SNTG1: variants seen among roughly 807,000 people sequenced by gnomAD.
SNTG1 encodes gamma-1-syntrophin.
SNTG1 carries 39 observed loss-of-function variants against 74.7 expected under a neutral mutation model. The observed-to-expected ratio is 0.52, with a 90% CI of 0.40 to 0.68. SNTG1 has a LOEUF of 0.68. Ranked by LOEUF, SNTG1 falls within the 30% of genes least tolerant of loss-of-function variation. SNTG1 has a pLI of 0.00. For synonymous variants in SNTG1, 254 were observed against 217.1 expected (o/e 1.17, Z -1.49); for missense variants, 685 against 609.5 (o/e 1.12, Z -1.30).
intron 15 of SNTG1, among the ~76,000 whole-genome samples, chr8:50,664,871 G>T (rs1304742474): frequency 6.6e-6 from 1 of 152,138 alleles, no homozygotes; most frequent in Non-Finnish European, 1.5e-5. Context: ...TAATAGATGA[G>T]CAGTGTATCA....
chr8:50,314,240 T>G (rs2090229478), intron 2 of SNTG1, among the ~76,000 whole-genome samples: 1 of 149,368 alleles, frequency 6.7e-6, no homozygotes, highest in Non-Finnish European at 1.5e-5. Context: ...TACTCCCTCA[T>G]ACTATATGTC....
intron 2 of SNTG1, among the ~76,000 whole-genome samples, chr8:50,318,529 C>T (rs2090400487): frequency 6.6e-6 from 1 of 152,166 alleles, no homozygotes. Flanking sequence ...CTCTCAATTA[C>T]TCACAATACA....
intron 1 of SNTG1, among the ~76,000 whole-genome samples, chr8:50,169,941 C>T (rs2082747136): frequency 6.6e-6 from 1 of 151,886 alleles, no homozygotes; most frequent in Admixed American, 6.6e-5. Flanking sequence ...AGAGTGGGAC[C>T]CCATGTGTAA....
chr8:50,325,184 A>C (rs965219374), intron 2 of SNTG1, among the ~76,000 whole-genome samples: 1 of 151,406 alleles, frequency 6.6e-6, no homozygotes, highest in Non-Finnish European at 1.5e-5. Flanking sequence ...TTGTTCTACA[A>C]TATTGTATTG....
intron 17 of SNTG1, among the ~76,000 whole-genome samples, chr8:50,720,660 AT>A (rs1309996020): frequency 1.3e-5 from 2 of 152,190 alleles, no homozygotes; most frequent in African/African-American, 4.8e-5. Context: ...TAAACAGAAG[AT>A]TCATCAAGAC....
intron 1 of SNTG1, among the ~76,000 whole-genome samples, chr8:49,983,436 C>A (rs1812862242): frequency 6.6e-6 from 1 of 152,102 alleles, no homozygotes; most frequent in Admixed American, 6.5e-5. Flanking sequence ...AGTCTTTAAA[C>A]ATAAATAATG....
chr8:50,284,928 C>G (rs1204820706), intron 2 of SNTG1, among the ~76,000 whole-genome samples: 20 of 151,838 alleles, frequency 1.3e-4, no homozygotes, highest in Non-Finnish European at 4.4e-5. Context: ...ATTTTTTTTA[C>G]TTTTAAAAGT....
At position 50,310,140 on chromosome 8, in the gene SNTG1, G is replaced by A. The variant is rs140607111; in HGVS notation, c.-27-84072G>A. ...ATGACCATTGTCCTTCAAGTTGGTC[G>A]CCTGGGGAAGGAGTTTACCTACTCG... On this transcript the variant is annotated intron_variant, in intron 2 of 18. Coordinates refer to ENST00000642720, the MANE Select transcript of SNTG1 (RefSeq NM_018967.5). 6.2e-3 allele frequency among the ~76,000 whole-genome samples: 939 copies of A among 152,250 alleles called. 5 individuals carry two copies. The highest frequency in any genetic ancestry group is 0.017 in the Middle Eastern group (5 of 294).
intron 1 of SNTG1, among the ~76,000 whole-genome samples, chr8:49,971,472 C>T (rs184133817): frequency 4.6e-5 from 7 of 152,218 alleles, no homozygotes; most frequent in Admixed American, 3.9e-4. Flanking sequence ...AGATGCCCTC[C>T]CTCACCACTC....
At chr8:50,285,745 T>C (rs1586959269) in intron 2 of SNTG1, among the ~76,000 whole-genome samples, 1 of 151,940 alleles carries the variant, frequency 6.6e-6, no homozygotes, top group East Asian at 1.9e-4. Flanking sequence ...CCAATGGAAT[T>C]TACAAAAACC....
chr8:50,337,997 T>G (rs11985256), intron 2 of SNTG1, among the ~76,000 whole-genome samples: 9,880 of 151,738 alleles, frequency 0.065, 348 homozygotes, highest in African/African-American at 0.072. Context: ...TTAGCCGGGC[T>G]TGGTGGCGGG....
At chr8:50,752,491 T>C (rs1236971130) in intron 18 of SNTG1, among the ~76,000 whole-genome samples, 1 of 151,914 alleles carries the variant, frequency 6.6e-6, no homozygotes, top group Non-Finnish European at 1.5e-5. Context: ...TACATTTTAT[T>C]TACATATATT....
intron 12 of SNTG1, among the ~76,000 whole-genome samples, chr8:50,569,582 G>T (rs529730024): frequency 2.6e-5 from 4 of 151,724 alleles, no homozygotes; most frequent in Non-Finnish European, 5.9e-5. Context: ...CTGCCACATT[G>T]AAAAGGCTCA....
chr8:49,953,207 A>C (rs761372216), intron 1 of SNTG1, among the ~76,000 whole-genome samples: 1 of 152,250 alleles, frequency 6.6e-6, no homozygotes, highest in Non-Finnish European at 1.5e-5. Flanking sequence ...CCAGCAGAAT[A>C]GACTGTGACA....
intron 8 of SNTG1, among the ~76,000 whole-genome samples, chr8:50,479,883 C>A (rs991755541): frequency 6.6e-6 from 1 of 152,114 alleles, no homozygotes; most frequent in Non-Finnish European, 1.5e-5. Flanking sequence ...GTCAATATTT[C>A]AAGTTTTCCT....
chr8:50,489,553 G>C (rs1052175947), intron 8 of SNTG1, among the ~76,000 whole-genome samples: 3 of 152,140 alleles, frequency 2.0e-5, no homozygotes, highest in Non-Finnish European at 4.4e-5. Flanking sequence ...TCATATGTTT[G>C]TTGGCTGCAT....
intron 13 of SNTG1, among the ~76,000 whole-genome samples, chr8:50,610,189 C>A (rs2094840498): frequency 6.6e-6 from 1 of 152,102 alleles, no homozygotes; most frequent in African/African-American, 2.4e-5. Context: ...CCACTGATGT[C>A]TATGTATTTT....
Position 50,494,895 on chromosome 8 carries a change from G to A in SNTG1, c.364-7883G>A, listed in dbSNP as rs1234335114. Among the ~76,000 whole-genome samples the A allele has an allele frequency of 5.9e-5, 9 of 151,838 alleles. No homozygotes were observed. The South Asian group carries it at 1.7e-3, about 28-fold the overall frequency. On this transcript the variant is annotated intron_variant, in intron 8 of 18. Coordinates refer to ENST00000642720, the MANE Select transcript of SNTG1 (RefSeq NM_018967.5). ...TCAATATTCTTTTCTAACTAAAATA[G>A]GTGGCTCTTTTCTATATTGAAATTC... is the stretch of plus-strand genomic sequence containing the variant.
At chr8:49,930,160 C>A (rs1265541903) in intron 1 of SNTG1, among the ~76,000 whole-genome samples, 1 of 151,894 alleles carries the variant, frequency 6.6e-6, no homozygotes, top group Admixed American at 6.6e-5. Context: ...AAAAAGAAGT[C>A]TCCCATGAAC....
Sources: gnomAD v4.1 joint callset for allele counts (sites outside exome capture counted in the v4.1 genomes callset) on GRCh38, gnomAD v4.1.1 for gene constraint, MANE v1.5 for transcripts, NCBI Gene and HGNC (gene_info 2026-07-23, HGNC 2026-07-21) for gene names.